MOB3A: variants seen among roughly 807,000 people sequenced by gnomAD.
MOB3A encodes the protein MOB LAK.
MOB3A carries 17 observed loss-of-function variants against 17.8 expected under a neutral mutation model. The ratio of observed to expected loss-of-function variants is 0.95; its 90% confidence interval spans 0.65 to 1.43. The LOEUF (loss-of-function observed/expected upper bound fraction) is 1.43, where lower values mean the gene tolerates loss of function less well. Among genes scored for constraint, MOB3A ranks in the 40% most tolerant of loss-of-function variants. MOB3A has a pLI of 0.00. For missense variants in MOB3A, 333 were observed against 310.8 expected (o/e 1.07, Z -0.54); for synonymous variants, 124 against 133.2 (o/e 0.93, Z 0.48).
Position 2,076,806 on chromosome 19 carries a change from C to A in MOB3A, c.624+5G>T. On this transcript the variant is annotated splice_donor_5th_base_variant and intron_variant, in intron 4 of 4. Coordinates refer to ENST00000357066, the MANE Select transcript of MOB3A (RefSeq NM_130807.3). ...CCGCACGCCCTCAGCCCCAAGCCCG[C>A]GCACCAGTGGCTCCAGCTCCTTGGT... The A allele has an allele frequency of 6.2e-7, 1 of 1,613,222 alleles. No homozygotes were observed. Among genetic ancestry groups the A allele is most frequent in the Non-Finnish European group, 8.5e-7 (1 of 1,179,850 alleles).
chr19:2,092,086 T>G (rs1599413319), intron 1 of MOB3A, among the ~76,000 whole-genome samples: 1 of 149,444 alleles, frequency 6.7e-6, no homozygotes, highest in East Asian at 2.0e-4. Flanking sequence ...GGAAAGGTTT[T>G]TTTTTTTTTT....
rs1173967502 is a variant in MOB3A at position 2,084,346 on chromosome 19, T to C, written c.-120+829A>G. On this transcript the variant is annotated intron_variant, in intron 2 of 4. Transcript: ENST00000357066. ...TATCTCCACTAAAAATACAAAAAAC[T>C]AGCCGGGTGTGGTGGCATGTGCCTA... 1.8e-5 allele frequency: 6 copies of C among 333,330 alleles called. 1 individual carries two copies. The East Asian group carries it at 5.7e-4, about 32-fold the overall frequency. 20.6% of individuals were successfully genotyped at this position (333,330 alleles called of 1,614,324 possible).
At position 2,073,268 on chromosome 19, in the gene MOB3A, C is replaced by A; in HGVS notation, c.*127G>T. 8.3e-7 allele frequency: 1 copy of A among 1,211,420 alleles called. No homozygotes were observed. The highest frequency in any genetic ancestry group is 2.3e-5 in the East Asian group (1 of 42,762). 75.0% of individuals were successfully genotyped at this position (1,211,420 alleles called of 1,614,324 possible). Reference sequence around the variant, plus strand: ...CTCCTGAGGACCAACACCTGCTCAGCGGCTCGGCCCCTGGTCTCCCTGAGA... The same window carrying A: ...CTCCTGAGGACCAACACCTGCTCAGAGGCTCGGCCCCTGGTCTCCCTGAGA... On this transcript the variant is annotated 3_prime_UTR_variant, in exon 5 of 5. Transcript: ENST00000357066.
intron 1 of MOB3A, among the ~76,000 whole-genome samples, chr19:2,088,807 T>C (rs1194130290): frequency 6.6e-6 from 1 of 152,098 alleles, no homozygotes; most frequent in African/African-American, 2.4e-5. Context: ...CTTGCTATGT[T>C]GTCCAGGCTG....
rs542109115 is a variant in MOB3A, at chr19:2,093,319, G to A, written c.-274+2907C>T. Among the ~76,000 whole-genome samples the A allele has an allele frequency of 2.0e-5, 3 of 152,176 alleles. No individual in the cohort carries two copies. Among genetic ancestry groups the A allele is most frequent in the South Asian group, 2.1e-4 (1 of 4,816 alleles). On this transcript the variant is annotated intron_variant, in intron 1 of 4. Transcript: ENST00000357066. The surrounding 1 kb of genome is among the most constrained non-coding windows in gnomAD (Gnocchi z 4.6). ...ACTACAGGCACGCGCCAGCATGCCC[G>A]GGTAAATTTTGTATTCCTCAGCCGA...
In MOB3A at chr19:2,093,835, G is replaced by A. The variant is rs2017639226; in HGVS notation, c.-274+2391C>T. ...CTGGGGAAAGGGAAACACATCCAGG[G>A]GGTCCGGAGGACAGGGACGTGACAT... is the stretch of plus-strand genomic sequence containing the variant. On this transcript the variant is annotated intron_variant, in intron 1 of 4. Transcript: ENST00000357066. The surrounding 1 kb of genome is among the most constrained non-coding windows in gnomAD (Gnocchi z 4.6). 6.6e-6 allele frequency among the ~76,000 whole-genome samples: 1 copy of A among 152,140 alleles called. No homozygotes were observed. Among genetic ancestry groups the A allele is most frequent in the Non-Finnish European group, 1.5e-5 (1 of 68,018 alleles).
chr19:2,071,186 G>A lies in MOB3A; in HGVS notation c.*2209C>T, dbSNP rs1283117466. 1 of 152,212 alleles carries A rather than the reference G, an allele frequency of 6.6e-6. No individual in the cohort carries two copies. The highest frequency in any genetic ancestry group is 1.5e-5 in the Non-Finnish European group (1 of 68,050). The allele number at this position is 152,212 out of a possible 1,614,324, so 9.4% of individuals were successfully genotyped here. A position where few individuals can be genotyped will look rare whatever the true frequency, so the allele number is the denominator to read the frequency against. On this transcript the variant is annotated 3_prime_UTR_variant, in exon 5 of 5. Coordinates refer to ENST00000357066, the MANE Select transcript of MOB3A (RefSeq NM_130807.3). ...GAAGCTGCGTGGCCGGGCTGCTGGAGACATCCCGAGCCCTGGGGGAGACAG... is the reference window on the plus strand; with the variant it reads ...GAAGCTGCGTGGCCGGGCTGCTGGAAACATCCCGAGCCCTGGGGGAGACAG...
chr19:2,073,723 C>G (rs1458581924), intron 4 of MOB3A, among the ~76,000 whole-genome samples: 1 of 152,104 alleles, frequency 6.6e-6, no homozygotes, highest in African/African-American at 2.4e-5. Flanking sequence ...ACAAGTGTAC[C>G]TCGCTGCCAA....
Position 2,071,504 on chromosome 19 carries a change from TTC to T in MOB3A, c.*1889_*1890del, listed in dbSNP as rs1181084746. On this transcript the variant is annotated 3_prime_UTR_variant, in exon 5 of 5. Coordinates refer to ENST00000357066, the MANE Select transcript of MOB3A (RefSeq NM_130807.3). ...CCCAGGCGCCCAGAGGTGACCAGAC[TTC>T]TGTGTGGTCTGGGACAGTGCAGGGC... The T allele has an allele frequency of 6.6e-6, 1 of 152,340 alleles. No individual in the cohort carries two copies. Among genetic ancestry groups the T allele is most frequent in the Non-Finnish European group, 1.5e-5 (1 of 68,112 alleles). The allele number at this position is 152,340 out of a possible 1,614,324, so 9.4% of individuals were successfully genotyped here. A position where few individuals can be genotyped will look rare whatever the true frequency, so the allele number is the denominator to read the frequency against.
chr19:2,094,951 A>C (rs1037100806), intron 1 of MOB3A, among the ~76,000 whole-genome samples: 5 of 152,338 alleles, frequency 3.3e-5, no homozygotes, highest in African/African-American at 1.2e-4. Context: ...CGGGCGGATC[A>C]CCTGAGGTCA....
At chr19:2,088,620 C>A (rs372969191) in intron 1 of MOB3A, among the ~76,000 whole-genome samples, 4 of 152,114 alleles carry the variant, frequency 2.6e-5, no homozygotes, top group African/African-American at 9.7e-5. Flanking sequence ...GTGCGCACCA[C>A]CACACCCAGC....
intron 1 of MOB3A, among the ~76,000 whole-genome samples, chr19:2,094,817 C>A (rs1421081296): frequency 2.6e-5 from 4 of 152,332 alleles, no homozygotes; most frequent in South Asian, 4.1e-4. Flanking sequence ...CAGTTTATTG[C>A]ATGTCAATTA....
At chr19:2,087,017 C>T (rs2017561782) in intron 1 of MOB3A, among the ~76,000 whole-genome samples, 1 of 152,072 alleles carries the variant, frequency 6.6e-6, no homozygotes, top group Non-Finnish European at 1.5e-5. Flanking sequence ...TCTTGAGCTT[C>T]TGGAGTCAAG....
In MOB3A at chr19:2,078,125, C is replaced by T; in HGVS notation, c.421+15G>A. 6.5e-7 allele frequency: 1 copy of T among 1,549,056 alleles called. No homozygotes were observed. Among genetic ancestry groups the T allele is most frequent in the Non-Finnish European group, 8.7e-7 (1 of 1,143,094 alleles). ...AAGGCTCTGTATCCCCGAGCCCCTG[C>T]CAGCTCTGACTCACCAACGTTGGTG... On this transcript the variant is annotated intron_variant, in intron 3 of 4. Coordinates refer to ENST00000357066, the MANE Select transcript of MOB3A (RefSeq NM_130807.3).
chr19:2,096,065 C>G (rs1203598488), intron 1 of MOB3A, among the ~76,000 whole-genome samples, 161 bp downstream of exon 1: 1 of 151,812 alleles, frequency 6.6e-6, no homozygotes, highest in African/African-American at 2.4e-5. Context: ...GAAGGCTCGG[C>G]CTCCCCGTAG....
chr19:2,096,011 T>C (rs1316755587), intron 1 of MOB3A, among the ~76,000 whole-genome samples: 1 of 152,094 alleles, frequency 6.6e-6, no homozygotes. Flanking sequence ...CCCAAAGTGC[T>C]GGGATTACAG....
Position 2,082,575 on chromosome 19 carries a change from A to T in MOB3A, c.-120+2600T>A, listed in dbSNP as rs1415012932. Among the ~76,000 whole-genome samples, 1 of 152,074 alleles carries T rather than the reference A, an allele frequency of 6.6e-6. No homozygotes were observed. The highest frequency in any genetic ancestry group is 1.5e-5 in the Non-Finnish European group (1 of 67,992). On this transcript the variant is annotated intron_variant, in intron 2 of 4. Coordinates refer to ENST00000357066, the MANE Select transcript of MOB3A (RefSeq NM_130807.3). The surrounding 1 kb of genome is among the most constrained non-coding windows in gnomAD (Gnocchi z 4.1). Reference sequence around the variant, plus strand: ...TCTCGAACCCTGGACTCTGTGGGTGAAGCCACCGCTCTTTCTGCCCCACAA... The same window carrying T: ...TCTCGAACCCTGGACTCTGTGGGTGTAGCCACCGCTCTTTCTGCCCCACAA...
intron 4 of MOB3A, among the ~76,000 whole-genome samples, chr19:2,076,486 G>T (rs1417772963): frequency 6.6e-6 from 1 of 152,136 alleles, no homozygotes; most frequent in South Asian, 2.1e-4. Context: ...TGCTTGTGCC[G>T]GCTCGCATCC....
intron 1 of MOB3A, among the ~76,000 whole-genome samples, chr19:2,089,353 T>C (rs1270161330): frequency 6.6e-6 from 1 of 152,164 alleles, no homozygotes; most frequent in East Asian, 1.9e-4. Context: ...CTGCTGCGTC[T>C]GCCACTAGGG....
Sources: allele counts gnomAD v4.1 joint callset (sites outside exome capture counted in the v4.1 genomes callset), GRCh38; gene constraint gnomAD v4.1.1; non-coding constraint Gnocchi (gnomAD v3.1); transcripts MANE v1.5; gene names NCBI Gene and HGNC (gene_info 2026-07-23, HGNC 2026-07-21).